The following CEACAM5 variants were observed in gnomAD, a reference collection of about 807,000 sequenced individuals.
CEACAM5 encodes cell adhesion molecule CEACAM5.
CEACAM5 carries 52 observed loss-of-function variants against 63.0 expected under a neutral mutation model. That is an observed-to-expected ratio of 0.83 (90% CI 0.66 to 1.04). The LOEUF is 1.04. CEACAM5 is among the 50% of genes least tolerant of loss of function. The probability of loss-of-function intolerance (pLI) is 0.00; values close to 1 mark genes in which losing one functional copy is unlikely to be tolerated. For synonymous variants in CEACAM5, 357 were observed against 351.3 expected (o/e 1.02, Z -0.18); for missense variants, 790 against 864.8 (o/e 0.91, Z 1.08).
intron 8 of CEACAM5, among the ~76,000 whole-genome samples, chr19:41,723,884 G>A (rs1210710897): frequency 3.3e-5 from 5 of 150,704 alleles, no homozygotes; most frequent in African/African-American, 1.2e-4. Flanking sequence ...AGGAGGCATA[G>A]CTTGCAGTGA....
At chr19:41,723,074 ATT>A (rs568698753) in intron 8 of CEACAM5, among the ~76,000 whole-genome samples, 8 of 146,174 alleles carry the variant, frequency 5.5e-5, no homozygotes, top group African/African-American at 2.0e-4. Context: ...AGCTTGGCTA[ATT>A]TTTTTTTTTT....
chr19:41,728,292 G>T (rs2122852021), intron 9 of CEACAM5, among the ~76,000 whole-genome samples: 1 of 152,238 alleles, frequency 6.6e-6, no homozygotes, highest in South Asian at 2.1e-4. Context: ...CTACACATTG[G>T]AATCACTCAG....
intron 2 of CEACAM5, 40 bp from the exon 3 acceptor site, chr19:41,714,931 G>C (rs782039512): frequency 6.2e-7 from 1 of 1,612,380 alleles, no homozygotes; most frequent in Admixed American, 1.7e-5. Flanking sequence ...AGGAATCAAA[G>C]GTGCCACACA....
At chr19:41,723,021 C>T (rs1455207625) in intron 8 of CEACAM5, among the ~76,000 whole-genome samples, 1 of 152,094 alleles carries the variant, frequency 6.6e-6, no homozygotes, top group Non-Finnish European at 1.5e-5. Flanking sequence ...CATTCTCCTG[C>T]CTCAGCCTCC....
At position 41,727,312 on chromosome 19, in the gene CEACAM5, T is replaced by C; in HGVS notation, c.2105T>C (p.Ile702Thr). The C allele has an allele frequency of 1.2e-6, 2 of 1,610,150 alleles. No homozygotes were observed. The highest frequency in any genetic ancestry group is 1.7e-6 in the Non-Finnish European group (2 of 1,176,342). The change falls in exon 9 of 10, where the codon ATA becomes ACA. Residue 702 changes from isoleucine (I) to threonine (T), a missense_variant. Physicochemically the swap from Ile to Thr is moderately conservative, Grantham distance 89. Coordinates refer to ENST00000221992, the MANE Select transcript of CEACAM5 (RefSeq NM_004363.6). ...GGAGTGCTGGTTGGGGTTGCTCTGA[T>C]ATAGCAGCCCTGGTGTAGTTTCTTC... ...MIGVLVGVAL[I>T]
At chr19:41,714,899 C>T in intron 2 of CEACAM5, 72 bp from the exon 3 acceptor site, 1 of 1,603,850 alleles carries the variant, frequency 6.2e-7, no homozygotes, top group Non-Finnish European at 8.5e-7. Flanking sequence ...AAGGTGCCAA[C>T]TCTGATTGAA....
rs782256140 is a variant in CEACAM5 at position 41,710,053 on chromosome 19, C to A, written c.424+14C>A. ...TCCGGGTATACCGTGAGTGATTCCC[C>A]CATGACCTCTGGGTGTTGGGGGTCA... On this transcript the variant is annotated intron_variant, in intron 2 of 9. Coordinates refer to ENST00000221992, the MANE Select transcript of CEACAM5 (RefSeq NM_004363.6). 36 of 1,586,152 alleles carry A rather than the reference C, an allele frequency of 2.3e-5. No homozygotes were observed. Among genetic ancestry groups the A allele is most frequent in the Non-Finnish European group, 3.0e-5 (35 of 1,166,568 alleles).
rs782535466 is a variant in CEACAM5, at chr19:41,720,000, C to T, written c.1563C>T (p.Phe521=). ...TGGAGGACAAGGATGCTGTGGCCTT[C>T]ACCTGTGAACCTGAGGCTCAGAACA... ...KPVEDKDAVA[F]TCEPEAQNTT... is the part of the protein sequence containing the mutation. Residue 521 remains phenylalanine, a synonymous_variant, in exon 7 of 10, where the codon TTC becomes TTT. Coordinates refer to ENST00000221992, the MANE Select transcript of CEACAM5 (RefSeq NM_004363.6). The T allele has an allele frequency of 6.2e-7, 1 of 1,614,272 alleles. No individual in the cohort carries two copies. The highest frequency in any genetic ancestry group is 1.1e-5 in the South Asian group (1 of 91,090).
At chr19:41,727,203 T>C in intron 8 of CEACAM5, 31 bp from the exon 9 acceptor site, 1 of 1,541,106 alleles carries the variant, frequency 6.5e-7, no homozygotes, top group Non-Finnish European at 9.0e-7. Flanking sequence ...CATTCATTCC[T>C]TCTCTTTTCT....
chr19:41,720,847 T>C (rs1370188249), intron 7 of CEACAM5, 75 bp from the exon 8 acceptor site: 1 of 1,552,406 alleles, frequency 6.4e-7, no homozygotes, highest in African/African-American at 1.4e-5. Context: ...AGAGGGACAC[T>C]GTGGCCCTTC....
chr19:41,720,214 T>C lies in CEACAM5; in HGVS notation c.1771+6T>C, dbSNP rs1415160942. 6.2e-7 allele frequency: 1 copy of C among 1,612,280 alleles called. No homozygotes were observed. The highest frequency in any genetic ancestry group is 2.2e-5 in the East Asian group (1 of 44,872). On this transcript the variant is annotated splice_donor_region_variant and intron_variant, in intron 7 of 9. Coordinates refer to ENST00000221992, the MANE Select transcript of CEACAM5 (RefSeq NM_004363.6). Reference sequence around the variant, plus strand: ...AGTCACCCTGGATGTCCTCTGTGAGTATCTTCTGTTCCTCTGTGGCCCTGG... The same window carrying C: ...AGTCACCCTGGATGTCCTCTGTGAGCATCTTCTGTTCCTCTGTGGCCCTGG...
In CEACAM5 at chr19:41,709,922, C is replaced by A. The variant is rs74626868; in HGVS notation, c.307C>A (p.Pro103Thr). 34 of 1,613,890 alleles carry A rather than the reference C, an allele frequency of 2.1e-5. No individual in the cohort carries two copies. The highest frequency in any genetic ancestry group is 2.7e-5 in the Non-Finnish European group (32 of 1,179,992). ...PAYSGREIIY[P>T]NASLLIQNII... ...ATACAGTGGTCGAGAGATAATATAC[C>A]CCAATGCATCCCTGCTGATCCAGAA... is the stretch of plus-strand genomic sequence containing the variant. The change falls in exon 2 of 10, where the codon CCC (proline) becomes ACC (threonine). Residue 103 changes from proline (P) to threonine (T), a missense_variant. Pro to Thr is a conservative substitution (Grantham distance 38, BLOSUM62 -1). Coordinates refer to ENST00000221992, the MANE Select transcript of CEACAM5 (RefSeq NM_004363.6).
At chr19:41,728,882 A>T (rs1341773605) in intron 9 of CEACAM5, among the ~76,000 whole-genome samples, 1 of 152,134 alleles carries the variant, frequency 6.6e-6, no homozygotes, top group Non-Finnish European at 1.5e-5. Context: ...TCCACCAGGA[A>T]ATTAGGAATC....
chr19:41,720,602 G>T (rs1260068122), intron 7 of CEACAM5, among the ~76,000 whole-genome samples: 2 of 150,782 alleles, frequency 1.3e-5, no homozygotes, highest in African/African-American at 4.9e-5. Flanking sequence ...CGCCTCCTAG[G>T]TTCACACCAT....
chr19:41,712,654 G>A (rs2072454233), intron 2 of CEACAM5, among the ~76,000 whole-genome samples: 1 of 152,172 alleles, frequency 6.6e-6, no homozygotes, highest in Admixed American at 6.5e-5. Flanking sequence ...TCTGTTCAGG[G>A]AGTCACTGAT....
In CEACAM5 at chr19:41,728,786, C is replaced by CAAAAAA. The variant is rs55647539; in HGVS notation, c.*37-384_*37-379dup. On this transcript the variant is annotated intron_variant, in intron 9 of 9. Transcript: ENST00000221992. Reference sequence around the variant, plus strand: ...TGGGCGACAGAGCAAGACTCCGTCTCAAAAAAAAAAAAAAAAAAAGAATTG... The same window carrying CAAAAAA: ...TGGGCGACAGAGCAAGACTCCGTCTCAAAAAAAAAAAAAAAAAAAAAAAAAGAATTG... Among the ~76,000 whole-genome samples, 427 of 73,178 alleles carry CAAAAAA rather than the reference C, an allele frequency of 5.8e-3. 7 individuals are homozygous for CAAAAAA. Among genetic ancestry groups the CAAAAAA allele is most frequent in the Non-Finnish European group, 7.4e-3 (293 of 39,804 alleles). 48.0% of individuals were successfully genotyped at this position (73,178 alleles called of 152,430 possible).
Position 41,710,021 on chromosome 19 carries a change from G to C in CEACAM5, c.406G>C (p.Gly136Arg). The C allele has an allele frequency of 6.2e-7, 1 of 1,604,920 alleles. No homozygotes were observed. Among genetic ancestry groups the C allele is most frequent in the Non-Finnish European group, 8.5e-7 (1 of 1,174,958 alleles). ...KSDLVNEEATGQFRVYPELPK... is the reference protein window; with the variant it reads ...KSDLVNEEATRQFRVYPELPK... Reference sequence around the variant, plus strand: ...AGATCTTGTGAATGAAGAAGCAACTGGCCAGTTCCGGGTATACCGTGAGTG... The same window carrying C: ...AGATCTTGTGAATGAAGAAGCAACTCGCCAGTTCCGGGTATACCGTGAGTG... The change falls in exon 2 of 10, where the codon GGC (glycine) becomes CGC (arginine). Residue 136 changes from glycine to arginine, a missense_variant. Gly to Arg is a moderately radical substitution (Grantham distance 125). Coordinates refer to ENST00000221992, the MANE Select transcript of CEACAM5 (RefSeq NM_004363.6).
intron 8 of CEACAM5, among the ~76,000 whole-genome samples, chr19:41,724,258 T>C (rs1423351012): frequency 6.6e-6 from 1 of 152,226 alleles, no homozygotes; most frequent in Non-Finnish European, 1.5e-5. Context: ...TTGGCACCGT[T>C]ATCAAAAATC....
At chr19:41,720,846 CTG>C in intron 7 of CEACAM5, 74 bp from the exon 8 acceptor site, 7 of 1,552,338 alleles carry the variant, frequency 4.5e-6, no homozygotes, top group Non-Finnish European at 5.3e-6. Context: ...CAGAGGGACA[CTG>C]TGGCCCTTCT....
Sources: allele counts gnomAD v4.1 joint callset (sites outside exome capture counted in the v4.1 genomes callset), GRCh38; gene constraint gnomAD v4.1.1; transcripts MANE v1.5; gene names NCBI Gene and HGNC (gene_info 2026-07-23, HGNC 2026-07-21).